SLC25A26: variants seen among roughly 807,000 people sequenced by gnomAD.
SLC25A26 encodes solute carrier family 25 member 26, also known as mitochondrial S-adenosylmethionine carrier protein.
In SLC25A26, 36 loss-of-function variants were observed where a neutral mutation model predicts 37.8. The observed-to-expected ratio is 0.95, with a 90% CI of 0.73 to 1.26. SLC25A26 has a LOEUF of 1.26. Ranked by LOEUF, SLC25A26 falls within the 50% of genes most tolerant of loss-of-function variation. The pLI is 0.00. For missense variants in SLC25A26, 390 were observed against 331.1 expected, an observed-to-expected ratio of 1.18 and a Z score of -1.38; for synonymous variants, 129 against 122.5, an observed-to-expected ratio of 1.05 and a Z score of -0.35.
At chr3:66,185,658 A>AC (rs2070812037) in intron 1 of SLC25A26, among the ~76,000 whole-genome samples, 1 of 151,962 alleles carries the variant, frequency 6.6e-6, no homozygotes, top group Non-Finnish European at 1.5e-5. Flanking sequence ...TATCATGCTG[A>AC]CCCTAACCAT....
chr3:66,302,504 A>G (rs1252195062), intron 5 of SLC25A26, among the ~76,000 whole-genome samples: 2 of 152,078 alleles, frequency 1.3e-5, no homozygotes, highest in East Asian at 1.9e-4. Context: ...CTAGTCATCG[A>G]TATCATTTTT....
chr3:66,180,399 G>T (rs368430043), intron 1 of SLC25A26, among the ~76,000 whole-genome samples: 4 of 152,168 alleles, frequency 2.6e-5, no homozygotes, highest in Admixed American at 6.5e-5. Flanking sequence ...GGAACATGCC[G>T]CAGAGCAACG....
At chr3:66,303,649 G>A (rs777774724) in intron 5 of SLC25A26, among the ~76,000 whole-genome samples, 1 of 152,218 alleles carries the variant, frequency 6.6e-6, no homozygotes, top group Admixed American at 6.5e-5. Flanking sequence ...TAGAGGTGCA[G>A]TAGATGATTG....
intron 5 of SLC25A26, among the ~76,000 whole-genome samples, chr3:66,294,689 T>C (rs537927129): frequency 1.2e-4 from 19 of 152,310 alleles, no homozygotes; most frequent in African/African-American, 4.6e-4. Flanking sequence ...TAAATAGAAC[T>C]TTTAAAAAAA....
intron 9 of SLC25A26, among the ~76,000 whole-genome samples, chr3:66,374,224 G>C (rs1161742298): frequency 6.8e-6 from 1 of 147,678 alleles, no homozygotes; most frequent in African/African-American, 2.5e-5. Flanking sequence ...TGGCAACCCT[G>C]CGTTGAGCGA....
intron 3 of SLC25A26, among the ~76,000 whole-genome samples, chr3:66,252,367 T>G (rs1287805425): frequency 7.9e-5 from 12 of 152,166 alleles, no homozygotes; most frequent in African/African-American, 2.9e-4. Context: ...AGCATATAAG[T>G]AAGTTGGATC....
At position 66,324,445 on chromosome 3, in the gene SLC25A26, A is replaced by G. The variant is rs557516716; in HGVS notation, c.454-21919A>G. 7.3e-4 allele frequency among the ~76,000 whole-genome samples: 111 copies of G among 152,202 alleles called. 2 individuals are homozygous for G. The highest frequency in any genetic ancestry group is 2.7e-3 in the Admixed American group (41 of 15,278). Reference sequence around the variant, plus strand: ...TTGAACACCAGTCTTAGGTCTTACAATAGTAATGTTATCCATGGGAGCAAT... The same window carrying G: ...TTGAACACCAGTCTTAGGTCTTACAGTAGTAATGTTATCCATGGGAGCAAT... On this transcript the variant is annotated intron_variant, in intron 5 of 9. Transcript: ENST00000354883.
At chr3:66,215,631 T>A (rs1044269267) in intron 1 of SLC25A26, among the ~76,000 whole-genome samples, 6 of 152,354 alleles carry the variant, frequency 3.9e-5, no homozygotes, top group Non-Finnish European at 8.8e-5. Context: ...TCTCTCTCAC[T>A]AATTTTAAAT....
intron 5 of SLC25A26, among the ~76,000 whole-genome samples, chr3:66,308,162 C>G (rs1421743893): frequency 6.6e-6 from 1 of 151,950 alleles, no homozygotes; most frequent in African/African-American, 2.4e-5. Flanking sequence ...TTGTTTGGGT[C>G]CTCTCTTATT....
intron 1 of SLC25A26, among the ~76,000 whole-genome samples, chr3:66,213,111 T>C (rs1043881796): frequency 0.94 from 143,322 of 152,242 alleles, 68,076 homozygotes; most frequent in East Asian, 1. Flanking sequence ...GAACTAGGCC[T>C]GGCGCAGCCC....
intron 5 of SLC25A26, among the ~76,000 whole-genome samples, chr3:66,319,703 T>A (rs989483042): frequency 2.0e-5 from 3 of 150,762 alleles, no homozygotes; most frequent in Non-Finnish European, 4.4e-5. Context: ...ACTTAAGGGG[T>A]CAGCTAAACT....
chr3:66,242,725 A>T (rs976742234), intron 2 of SLC25A26, among the ~76,000 whole-genome samples: 1 of 152,218 alleles, frequency 6.6e-6, no homozygotes, highest in African/African-American at 2.4e-5. Flanking sequence ...AAGTGAATTC[A>T]TGCAGTAAAA....
At chr3:66,207,278 C>A (rs2071193829) in intron 1 of SLC25A26, among the ~76,000 whole-genome samples, 1 of 152,012 alleles carries the variant, frequency 6.6e-6, no homozygotes, top group Non-Finnish European at 1.5e-5. Flanking sequence ...CTCAGTTATC[C>A]CCCCCATCCT....
At chr3:66,242,239 A>G (rs1013382552) in intron 2 of SLC25A26, among the ~76,000 whole-genome samples, 13 of 152,180 alleles carry the variant, frequency 8.5e-5, no homozygotes, top group Non-Finnish European at 1.5e-5. Flanking sequence ...TTAACAGCTG[A>G]ATGCAATTAG....
chr3:66,192,763 T>C (rs957648856), intron 1 of SLC25A26, among the ~76,000 whole-genome samples: 14 of 152,318 alleles, frequency 9.2e-5, no homozygotes, highest in African/African-American at 2.9e-4. Flanking sequence ...TTATTAAACC[T>C]CATTTTAATT....
upstream of SLC25A26, among the ~76,000 whole-genome samples, chr3:66,218,707 C>A (rs1559581590): frequency 6.6e-6 from 1 of 152,184 alleles, no homozygotes; most frequent in Non-Finnish European, 1.5e-5. Context: ...TGTTCTCTTT[C>A]AGACCACTTA....
chr3:66,310,733 T>A (rs1350255737), intron 5 of SLC25A26, among the ~76,000 whole-genome samples: 1 of 152,232 alleles, frequency 6.6e-6, no homozygotes, highest in East Asian at 1.9e-4. Context: ...AAGGATTTTA[T>A]TTCTTCTTTG....
intron 3 of SLC25A26, among the ~76,000 whole-genome samples, chr3:66,250,198 G>T (rs113062983): frequency 5.3e-5 from 8 of 152,238 alleles, no homozygotes; most frequent in African/African-American, 1.4e-4. Context: ...GTAATAGGTT[G>T]CTTTTGTTCA....
chr3:66,258,494 C>T (rs1249910052), intron 3 of SLC25A26, among the ~76,000 whole-genome samples: 1 of 152,144 alleles, frequency 6.6e-6, no homozygotes, highest in Non-Finnish European at 1.5e-5. Context: ...TCTAAAAAAG[C>T]AATTATTTCT....
Sources: gnomAD v4.1 joint callset for allele counts (sites outside exome capture counted in the v4.1 genomes callset) on GRCh38, gnomAD v4.1.1 for gene constraint, MANE v1.5 for transcripts, NCBI Gene and HGNC (gene_info 2026-07-23, HGNC 2026-07-21) for gene names.